The following HTR3E variants were observed in gnomAD, a reference collection of about 807,000 sequenced individuals.
HTR3E encodes the protein 5-hydroxytryptamine (serotonin) receptor 3, family member E.
In HTR3E, 38 loss-of-function variants were observed where a neutral mutation model predicts 38.0. That is an observed-to-expected ratio of 1.00 (90% CI 0.77 to 1.31). The LOEUF (loss-of-function observed/expected upper bound fraction) is 1.31, where lower values mean the gene tolerates loss of function less well. Ranked by LOEUF, HTR3E falls within the 50% of genes most tolerant of loss-of-function variation. The probability of loss-of-function intolerance (pLI) is 0.00; values close to 1 mark genes in which losing one functional copy is unlikely to be tolerated. For missense variants in HTR3E, 547 were observed against 585.2 expected (o/e 0.93, Z 0.67); for synonymous variants, 210 against 232.9 (o/e 0.90, Z 0.89).
In HTR3E at chr3:184,100,151, A is replaced by G. The variant is rs1182667833; in HGVS notation, c.68-334A>G. On this transcript the variant is annotated intron_variant, in intron 1 of 8. Transcript: ENST00000415389. ...CATCTCATCCCTGGGGACGTATAGC[A>G]CAGCAGCAGCAGACAAACCTGGGTT... 4 of 1,388,438 alleles carry G rather than the reference A, an allele frequency of 2.9e-6. No individual in the cohort carries two copies. In the African/African-American group the frequency reaches 5.8e-5, roughly 20 times the overall value. The allele number at this position is 1,388,438 out of a possible 1,614,324, so 86.0% of individuals were successfully genotyped here. A position where few individuals can be genotyped will look rare whatever the true frequency, so the allele number is the denominator to read the frequency against.
At position 184,106,116 on chromosome 3, in the gene HTR3E, C is replaced by G. The variant is rs371576224; in HGVS notation, c.926-12C>G. 2 of 1,613,520 alleles carry G rather than the reference C, an allele frequency of 1.2e-6. No individual in the cohort carries two copies. Among genetic ancestry groups the G allele is most frequent in the African/African-American group, 1.3e-5 (1 of 74,862 alleles). ...GTGCCTCTGGCCCTCACTAGGCCCC[C>G]CTTCCCTCCAGGTGTCTACTTCGCC... On this transcript the variant is annotated splice_polypyrimidine_tract_variant and intron_variant, in intron 7 of 8. Transcript: ENST00000415389. This position sits in a 1 kb window ranked among gnomAD's most constrained non-coding sequence, Gnocchi z 4.1.
chr3:184,105,676 A>G lies in HTR3E; in HGVS notation c.721-89A>G, dbSNP rs916546174. 3 of 1,160,386 alleles carry G rather than the reference A, an allele frequency of 2.6e-6. No homozygotes were observed. In the Admixed American group the frequency reaches 5.4e-5, roughly 21 times the overall value. The allele number at this position is 1,160,386 out of a possible 1,614,324, so 71.9% of individuals were successfully genotyped here. On this transcript the variant is annotated intron_variant, in intron 6 of 8. Transcript: ENST00000415389. ...CAGGGTGATATCAGGCCAAAGAAAA[A>G]GGCAGAGACAGAAATTGTCACTGCT...
At position 184,106,268 on chromosome 3, in the gene HTR3E, A is replaced by G. The variant is rs1210489783; in HGVS notation, c.1066A>G (p.Ser356Gly). 42 of 1,612,850 alleles carry G rather than the reference A, an allele frequency of 2.6e-5. 1 individual carries two copies. The South Asian group carries it at 4.2e-4, about 16-fold the overall frequency. Residue 356 changes from serine (S) to glycine (G), a missense_variant, in exon 8 of 9, where the codon AGC (serine) becomes GGC (glycine). Physicochemically the swap from Ser to Gly is moderately conservative, Grantham distance 56. Transcript: ENST00000415389. This position sits in a 1 kb window ranked among gnomAD's most constrained non-coding sequence, Gnocchi z 4.1. ...CCACTCCCTGCTGCTCCACTGCAAC[A>G]GCCCGGGGAGATGCTGTCCCACTGC... ...WLHSLLLHCNSPGRCCPTAPQ... is the reference protein window; with the variant it reads ...WLHSLLLHCNGPGRCCPTAPQ...
At chr3:184,100,156 A>C (rs1442360529) in intron 1 of HTR3E, 34 of 1,393,138 alleles carry the variant, frequency 2.4e-5, no homozygotes, top group Non-Finnish European at 3.2e-5. Context: ...ATAGCACAGC[A>C]GCAGCAGACA....
chr3:184,105,020 A>G (rs1456031249), intron 5 of HTR3E, 64 bp downstream of exon 5: 3 of 1,479,446 alleles, frequency 2.0e-6, no homozygotes, highest in South Asian at 1.3e-5. Flanking sequence ...TAAAGAAACT[A>G]TGAGTAAATG....
chr3:184,099,452 C>A (rs1353838449), intron 1 of HTR3E, among the ~76,000 whole-genome samples: 2 of 152,050 alleles, frequency 1.3e-5, no homozygotes, highest in Admixed American at 6.6e-5. Flanking sequence ...CGGTGGCTCA[C>A]GCCTGTAATC....
At chr3:184,100,211 T>G (rs1008193324) in intron 1 of HTR3E, 7 of 1,404,256 alleles carry the variant, frequency 5.0e-6, no homozygotes, top group Non-Finnish European at 6.5e-6. Flanking sequence ...TTATTGGCTG[T>G]CTGACTGTAG....
intron 4 of HTR3E, 50 bp from the exon 5 acceptor site, chr3:184,104,737 A>AG (rs774896167): frequency 1.4e-5 from 18 of 1,311,340 alleles, no homozygotes; most frequent in African/African-American, 7.5e-5. Flanking sequence ...AAAAAAAAAA[A>AG]AGAGAGAGAG....
chr3:184,099,518 T>G (rs1711856070), intron 1 of HTR3E, among the ~76,000 whole-genome samples: 1 of 151,548 alleles, frequency 6.6e-6, no homozygotes, highest in African/African-American at 2.4e-5. Flanking sequence ...ATTGAGACCA[T>G]CCTGGCTAAC....
chr3:184,106,182 T>C lies in HTR3E; in HGVS notation c.980T>C (p.Ile327Thr). The change falls in exon 8 of 9, where the codon ATC becomes ACC. Residue 327 changes from isoleucine to threonine, a missense_variant. Ile to Thr is a moderately conservative substitution (Grantham distance 89). Transcript: ENST00000415389. The surrounding 1 kb of genome is among the most constrained non-coding windows in gnomAD (Gnocchi z 4.1). ...ATGGTGGGCAGCCTGCTGGAGACCA[T>C]CTTCATCACCCACCTGCTGCACGTG... is the stretch of plus-strand genomic sequence containing the variant. ...SLMVGSLLET[I>T]FITHLLHVAT... 6.2e-7 allele frequency: 1 copy of C among 1,612,766 alleles called. No individual in the cohort carries two copies. Among genetic ancestry groups the C allele is most frequent in the Non-Finnish European group, 8.5e-7 (1 of 1,179,970 alleles).
chr3:184,105,947 C>A lies in HTR3E; in HGVS notation c.903C>A (p.Pro301=). Residue 301 remains proline (P), a synonymous_variant, in exon 7 of 9, where the codon CCC becomes CCA. Transcript: ENST00000415389. ...VFLLMMSDLL[P]TSGTPLIGVY... The stretch of plus-strand genomic sequence containing the variant: ...TGCTCATGATGAGTGACTTGCTCCC[C>A]ACCAGTGGCACCCCCCTCATCGGTA... 1.2e-6 allele frequency: 2 copies of A among 1,614,194 alleles called. No individual in the cohort carries two copies. The highest frequency in any genetic ancestry group is 1.7e-6 in the Non-Finnish European group (2 of 1,180,034).
At chr3:184,100,721 C>T (rs1257977485) in intron 2 of HTR3E, 70 bp downstream of exon 2, 28 of 1,562,696 alleles carry the variant, frequency 1.8e-5, no homozygotes, top group Non-Finnish European at 2.4e-5. Context: ...AAGTGGCCCC[C>T]CAAAGCCCTT....
At chr3:184,104,583 C>T (rs1712291696) in intron 4 of HTR3E, among the ~76,000 whole-genome samples, 1 of 149,528 alleles carries the variant, frequency 6.7e-6, no homozygotes, top group South Asian at 2.1e-4. Flanking sequence ...CCTGGTGGTG[C>T]GCCTGTAGTC....
rs1161426669 is a variant in HTR3E, at chr3:184,099,582, C to T, written c.68-903C>T. Among the ~76,000 whole-genome samples, 31 of 150,432 alleles carry T rather than the reference C, an allele frequency of 2.1e-4. 1 individual carries two copies. Among genetic ancestry groups the T allele is most frequent in the Admixed American group, 1.8e-3 (27 of 15,120 alleles). On this transcript the variant is annotated intron_variant, in intron 1 of 8. Coordinates refer to ENST00000415389, the MANE Select transcript of HTR3E (RefSeq NM_001256613.2). ...ACAAAAAATTAGCCGGGCGCGGTGG[C>T]GGGCGCCTGTAGTCCCAGCTACTCG...
At chr3:184,104,541 TAAAAA>T (rs11320996) in intron 4 of HTR3E, among the ~76,000 whole-genome samples, 52 of 119,266 alleles carry the variant, frequency 4.4e-4, no homozygotes, top group Non-Finnish European at 6.9e-4. Context: ...CCTCATCTCT[TAAAAA>T]AAAAAAAAAA....
At chr3:184,101,652 A>G (rs1309939143) in intron 3 of HTR3E, 123 bp downstream of exon 3, 11 of 843,130 alleles carry the variant, frequency 1.3e-5, no homozygotes, top group Middle Eastern at 2.3e-4. Flanking sequence ...GAGAAATTGA[A>G]AAATCGACCA....
chr3:184,104,412 G>A, intron 4 of HTR3E, 121 bp downstream of exon 4: 5 of 1,451,186 alleles, frequency 3.4e-6, no homozygotes, highest in Non-Finnish European at 9.1e-7. Context: ...AGAGAGATAA[G>A]AAGAGAAACT....
intron 1 of HTR3E, among the ~76,000 whole-genome samples, chr3:184,098,753 G>A (rs1252796137): frequency 6.6e-6 from 1 of 152,162 alleles, no homozygotes; most frequent in Non-Finnish European, 1.5e-5. Flanking sequence ...AGTTAGAAGA[G>A]GGTGGGACGG....
chr3:184,100,621 C>T lies in HTR3E; in HGVS notation c.204C>T (p.Ile68=), dbSNP rs1290031632. 1.5e-5 allele frequency: 24 copies of T among 1,613,958 alleles called. No homozygotes were observed. Among genetic ancestry groups the T allele is most frequent in the Non-Finnish European group, 1.8e-5 (21 of 1,179,974 alleles). ...TNISVPTQVN[I]SFAMSAILDV... ...TCAGCGTCCCCACCCAAGTCAACAT[C>T]TCCTTCGCGATGTCTGCCATCCTAG... The change falls in exon 2 of 9, where the codon ATC becomes ATT. Residue 68 remains isoleucine, a synonymous_variant. Transcript: ENST00000415389.
Sources: allele counts gnomAD v4.1 joint callset (sites outside exome capture counted in the v4.1 genomes callset), GRCh38; gene constraint gnomAD v4.1.1; non-coding constraint Gnocchi (gnomAD v3.1); transcripts MANE v1.5; gene names NCBI Gene and HGNC (gene_info 2026-07-23, HGNC 2026-07-21).